Variants in AMZ2 observed in about 807,000 individuals in gnomAD.
AMZ2 encodes archaelysin family metallopeptidase 2, also known as archaemetzincin-2.
AMZ2 carries 26 observed loss-of-function variants against 36.7 expected under a neutral mutation model. That is an observed-to-expected ratio of 0.71 (90% CI 0.52 to 0.98). The LOEUF is 0.98. AMZ2 is among the 50% of genes least tolerant of loss of function. The pLI, the probability that AMZ2 is intolerant of heterozygous loss-of-function variation, is 0.00. For synonymous variants in AMZ2, 144 were observed against 149.1 expected, an observed-to-expected ratio of 0.97 and a Z score of 0.25; for missense variants, 394 against 430.5, an observed-to-expected ratio of 0.92 and a Z score of 0.75.
intron 1 of AMZ2, among the ~76,000 whole-genome samples, chr17:68,216,083 A>T (rs1381301765): frequency 6.6e-6 from 1 of 151,838 alleles, no homozygotes; most frequent in Non-Finnish European, 1.5e-5. Context: ...TTAAAATTAA[A>T]CCTCCCAACA....
Position 68,213,610 on chromosome 17 carries a change from C to T in AMZ2, c.-67+7372C>T, listed in dbSNP as rs138893930. 7.0e-4 allele frequency among the ~76,000 whole-genome samples: 106 copies of T among 152,312 alleles called. 2 individuals are homozygous for T. Among genetic ancestry groups the T allele is most frequent in the African/African-American group, 2.4e-3 (98 of 41,560 alleles). On this transcript the variant is annotated intron_variant, in intron 1 of 7. Transcript: ENST00000674770. ...GGTGTTCTGCAGTTTTACAGTGATACGCCCTTGTGTGGGCCACTTTCATCC... is the reference window on the plus strand; with the variant it reads ...GGTGTTCTGCAGTTTTACAGTGATATGCCCTTGTGTGGGCCACTTTCATCC...
intron 1 of AMZ2, among the ~76,000 whole-genome samples, chr17:68,211,814 GTATGTGTA>G (rs2073069363): frequency 8.0e-6 from 1 of 124,442 alleles, no homozygotes; most frequent in Non-Finnish European, 1.7e-5. Flanking sequence ...ATGTATATAT[GTATGTGTA>G]TGTATATGTA....
intron 1 of AMZ2, among the ~76,000 whole-genome samples, chr17:68,211,871 T>C (rs1304414391): frequency 1.4e-5 from 2 of 140,788 alleles, no homozygotes; most frequent in African/African-American, 5.0e-5. Flanking sequence ...TATATATGTG[T>C]GTGTATGTAT....
chr17:68,255,609 T>G (rs1555742280), intron 5 of AMZ2, 91 bp from the exon 6 acceptor site: 23 of 1,364,380 alleles, frequency 1.7e-5, no homozygotes, highest in Non-Finnish European at 2.3e-5. Context: ...GGGAGTTGAT[T>G]CCTATGTTTC....
At chr17:68,225,997 C>T (rs1284944594) in intron 1 of AMZ2, among the ~76,000 whole-genome samples, 2 of 152,054 alleles carry the variant, frequency 1.3e-5, no homozygotes, top group East Asian at 3.8e-4. Flanking sequence ...TCGCCCCAAC[C>T]CCATCTTCTT....
intron 1 of AMZ2, among the ~76,000 whole-genome samples, chr17:68,227,962 C>G (rs182971985): frequency 1.3e-5 from 2 of 152,288 alleles, no homozygotes; most frequent in Non-Finnish European, 2.9e-5. Flanking sequence ...TTCTGGGGAT[C>G]AGGGTGTGGA....
At chr17:68,215,630 G>C (rs9896198) in intron 1 of AMZ2, among the ~76,000 whole-genome samples, 10,207 of 136,930 alleles carry the variant, frequency 0.075, 1,216 homozygotes, top group African/African-American at 0.19. Flanking sequence ...CAGGGAGCCC[G>C]GTGCTTGTAC....
In AMZ2 at chr17:68,255,029, C is replaced by T. The variant is rs540292922; in HGVS notation, c.750+462C>T. On this transcript the variant is annotated intron_variant, in intron 5 of 6. Transcript: ENST00000359904. ...CAACTCGGTTTTGTGGAAAGCCTAT[C>T]TCCCCTTTCTCCATAGCCAGAGAGA... Among the ~76,000 whole-genome samples, 28 of 152,320 alleles carry T rather than the reference C, an allele frequency of 1.8e-4. 1 individual carries two copies. The highest frequency in any genetic ancestry group is 6.7e-4 in the African/African-American group (28 of 41,570).
intron 1 of AMZ2, among the ~76,000 whole-genome samples, chr17:68,227,081 C>A (rs568569458): frequency 6.6e-6 from 1 of 151,610 alleles, no homozygotes; most frequent in Non-Finnish European, 1.5e-5. Flanking sequence ...GAACTGGAAC[C>A]CTTGTGTACA....
At chr17:68,254,337 C>T in intron 4 of AMZ2, 67 bp from the exon 5 acceptor site, 3 of 1,506,792 alleles carry the variant, frequency 2.0e-6, no homozygotes, top group Non-Finnish European at 2.7e-6. Flanking sequence ...CCAGCAGTCT[C>T]TTCTTTCTTT....
At chr17:68,254,694 T>A (rs1273188205) in intron 5 of AMZ2, 127 bp downstream of exon 5, 6 of 864,612 alleles carry the variant, frequency 6.9e-6, no homozygotes, top group Middle Eastern at 3.5e-4. Flanking sequence ...TTTTGGTGCA[T>A]AGTGCTTGAC....
intron 1 of AMZ2, among the ~76,000 whole-genome samples, chr17:68,232,494 T>TAAA (rs2073689715): frequency 1.3e-5 from 1 of 76,770 alleles, no homozygotes; most frequent in African/African-American, 5.8e-5. Context: ...AGACCCTATC[T>TAAA]CAAAAAAAAA....
upstream of AMZ2, among the ~76,000 whole-genome samples, chr17:68,243,458 T>C (rs549558865): frequency 6.6e-6 from 1 of 152,238 alleles, no homozygotes; most frequent in African/African-American, 2.4e-5. Context: ...AAATAGATGC[T>C]TAGTATTCTA....
At chr17:68,227,820 A>G (rs1479891277) in intron 1 of AMZ2, among the ~76,000 whole-genome samples, 1 of 152,206 alleles carries the variant, frequency 6.6e-6, no homozygotes, top group East Asian at 1.9e-4. Flanking sequence ...TGGGCAACAT[A>G]GTAAGACCCC....
rs782424174 is a variant in AMZ2, at chr17:68,250,437, CCAAA to C, written c.256_259del (p.Lys86AlafsTer11). On this transcript the variant is annotated frameshift_variant, in exon 2 of 7. Coordinates refer to ENST00000359904, the MANE Select transcript of AMZ2 (RefSeq NM_016627.5). LOFTEE classifies it high-confidence loss of function. ...TGATCCTTACAGAAAGACACCCTCT[CCAAA>C]CAAACGCAGCATTTATATACAGTCC... 1 of 1,614,134 alleles carries C rather than the reference CCAAA, an allele frequency of 6.2e-7. No individual in the cohort carries two copies. The highest frequency in any genetic ancestry group is 8.5e-7 in the Non-Finnish European group (1 of 1,180,042).
intron 1 of AMZ2, among the ~76,000 whole-genome samples, chr17:68,233,509 A>C (rs1555731790): frequency 2.0e-5 from 2 of 99,052 alleles, no homozygotes; most frequent in Admixed American, 1.0e-4. Flanking sequence ...ACTATGTCTC[A>C]AAAAAAAAAA....
At chr17:68,242,137 G>A (rs1555734150) in intron 1 of AMZ2, among the ~76,000 whole-genome samples, 1 of 152,070 alleles carries the variant, frequency 6.6e-6, no homozygotes, top group Non-Finnish European at 1.5e-5. Flanking sequence ...TGGTATGTTG[G>A]TGTAAGTAAA....
chr17:68,256,827 G>A lies in AMZ2; in HGVS notation c.941G>A (p.Trp314Ter), dbSNP rs1265030539. 1 of 1,612,624 alleles carries A rather than the reference G, an allele frequency of 6.2e-7. No homozygotes were observed. Among genetic ancestry groups the A allele is most frequent in the Non-Finnish European group, 8.5e-7 (1 of 1,179,464 alleles). ...ATGTTTTTCCAGGCACTGGTGAGGT[G>A]GATTGATGATGAATCTTCTGACACA... ...IVERYKALVR[W>*]IDDESSDTPG... Residue 314 changes from tryptophan to a stop codon, truncating the protein, a stop_gained, in exon 7 of 7, where the codon TGG becomes TAG. Transcript: ENST00000359904. LOFTEE classifies it low-confidence loss of function (END_TRUNC).
chr17:68,227,955 T>A (rs2073557705), intron 1 of AMZ2, among the ~76,000 whole-genome samples: 1 of 152,174 alleles, frequency 6.6e-6, no homozygotes, highest in African/African-American at 2.4e-5. Context: ...TCACAGGTTC[T>A]GGGGATCAGG....
Sources: gnomAD v4.1 joint callset for allele counts (sites outside exome capture counted in the v4.1 genomes callset) on GRCh38, gnomAD v4.1.1 for gene constraint, MANE v1.5 for transcripts, NCBI Gene and HGNC (gene_info 2026-07-23, HGNC 2026-07-21) for gene names.